Variants in NBAS observed in about 807,000 individuals in gnomAD.
The protein encoded by NBAS is NAG/BC035112 fusion.
A neutral mutation model predicts 302.5 loss-of-function variants in NBAS; 219 were observed. That is an observed-to-expected ratio of 0.72 (90% CI 0.65 to 0.81). The LOEUF (loss-of-function observed/expected upper bound fraction) is 0.81, where lower values mean the gene tolerates loss of function less well. NBAS is among the 30% of genes least tolerant of loss of function. NBAS has a pLI of 0.00. For missense variants in NBAS, 2,932 were observed against 2,841.6 expected (o/e 1.03, Z -0.72); for synonymous variants, 1,118 against 1,021.6 (o/e 1.09, Z -1.80).
At chr2:15,227,509 TC>T (rs1310459412) in intron 47 of NBAS, among the ~76,000 whole-genome samples, 1 of 151,940 alleles carries the variant, frequency 6.6e-6, no homozygotes, top group Non-Finnish European at 1.5e-5. Flanking sequence ...ATCTTAAAAT[TC>T]ATATGGAAAG....
intron 51 of NBAS, among the ~76,000 whole-genome samples, chr2:15,171,426 G>A (rs1664285480): frequency 1.4e-4 from 22 of 152,110 alleles, no homozygotes; most frequent in Admixed American, 1.4e-3. Context: ...TATATGCTAA[G>A]AATTTTTAAA....
At chr2:15,155,716 C>T in the NBAS span, among the ~76,000 whole-genome samples, 1 of 152,234 alleles carries the variant, frequency 6.6e-6, no homozygotes, top group Non-Finnish European at 1.5e-5. Flanking sequence ...GGGCTCTGCA[C>T]TTCTAGTCAT....
chr2:14,811,233 C>T, the NBAS span, among the ~76,000 whole-genome samples: 46 of 152,202 alleles, frequency 3.0e-4, no homozygotes, highest in African/African-American at 1.1e-3. Flanking sequence ...CATAATGAGA[C>T]TCTGTATCTA....
intron 44 of NBAS, among the ~76,000 whole-genome samples, chr2:15,250,474 A>G (rs890779865): frequency 6.6e-6 from 1 of 152,236 alleles, no homozygotes; most frequent in Non-Finnish European, 1.5e-5. Flanking sequence ...GAATCTAACT[A>G]AACTAAAGAG....
intron 47 of NBAS, among the ~76,000 whole-genome samples, chr2:15,222,048 T>A (rs945591934): frequency 1.3e-5 from 2 of 152,208 alleles, no homozygotes; most frequent in Non-Finnish European, 2.9e-5. Flanking sequence ...ACTTTCCTCA[T>A]GGGGTTGTTG....
At chr2:15,449,095 A>G (rs1398231945) in intron 21 of NBAS, among the ~76,000 whole-genome samples, 1 of 152,206 alleles carries the variant, frequency 6.6e-6, no homozygotes, top group African/African-American at 2.4e-5. Flanking sequence ...CTTCTTTTTA[A>G]GAGAACACAT....
the NBAS span, among the ~76,000 whole-genome samples, chr2:15,124,624 G>A: frequency 6.6e-6 from 1 of 152,158 alleles, no homozygotes; most frequent in Non-Finnish European, 1.5e-5. Context: ...GGTTTCAGGG[G>A]GCAGGCCCAG....
intron 51 of NBAS, among the ~76,000 whole-genome samples, chr2:15,169,317 C>T (rs144740568): frequency 1.5e-4 from 23 of 152,264 alleles, no homozygotes; most frequent in Admixed American, 1.1e-3. Context: ...AAAAAGCCAC[C>T]GGTTCAATGG....
At chr2:15,324,792 A>C (rs993630557) in intron 38 of NBAS, among the ~76,000 whole-genome samples, 1 of 152,216 alleles carries the variant, frequency 6.6e-6, no homozygotes, top group African/African-American at 2.4e-5. Flanking sequence ...ATCCCTAGTC[A>C]TCTTCAAGTA....
At chr2:15,377,928 G>A (rs1299439802) in intron 30 of NBAS, among the ~76,000 whole-genome samples, 1 of 152,172 alleles carries the variant, frequency 6.6e-6, no homozygotes, top group African/African-American at 2.4e-5. Flanking sequence ...ATACTGAGTG[G>A]ATAATTCCTA....
chr2:14,835,306 T>G, the NBAS span, among the ~76,000 whole-genome samples: 27 of 152,144 alleles, frequency 1.8e-4, no homozygotes, highest in African/African-American at 6.3e-4. Flanking sequence ...ATTGGTATTT[T>G]GAATATATTT....
chr2:15,295,156 G>A (rs1483273128), intron 40 of NBAS, among the ~76,000 whole-genome samples: 2 of 152,182 alleles, frequency 1.3e-5, no homozygotes, highest in East Asian at 3.9e-4. Context: ...TAGAACCCCT[G>A]CTGATTTCTA....
At chr2:15,350,138 C>T (rs1673281302) in intron 35 of NBAS, among the ~76,000 whole-genome samples, 1 of 152,022 alleles carries the variant, frequency 6.6e-6, no homozygotes, top group East Asian at 1.9e-4. Flanking sequence ...GGGGTAGTTG[C>T]ATATATTCTA....
At position 15,315,347 on chromosome 2, in the gene NBAS, G is replaced by A. The variant is rs138155312; in HGVS notation, c.4583-6100C>T. 5.3e-5 allele frequency among the ~76,000 whole-genome samples: 8 copies of A among 152,278 alleles called. No individual in the cohort carries two copies. The East Asian group carries it at 1.3e-3, about 26-fold the overall frequency. On this transcript the variant is annotated intron_variant, in intron 38 of 51. Transcript: ENST00000281513. Reference sequence around the variant, plus strand: ...AACTGGAGGGTACACAGGAGTGTACGGGAGTGAACGGAGAATGAGCAGGAT... The same window carrying A: ...AACTGGAGGGTACACAGGAGTGTACAGGAGTGAACGGAGAATGAGCAGGAT...
At chr2:15,486,363 A>C (rs529791686) in intron 12 of NBAS, among the ~76,000 whole-genome samples, 1 of 152,332 alleles carries the variant, frequency 6.6e-6, no homozygotes, top group African/African-American at 2.4e-5. Context: ...AATAAGAGAA[A>C]CAACTAGCTT....
chr2:14,919,752 AC>A, the NBAS span, among the ~76,000 whole-genome samples: 1 of 151,990 alleles, frequency 6.6e-6, no homozygotes, highest in Non-Finnish European at 1.5e-5. Flanking sequence ...ATTTGCAGCA[AC>A]CCCTCACGTA....
the NBAS span, among the ~76,000 whole-genome samples, chr2:14,919,248 T>C: frequency 6.6e-6 from 1 of 152,196 alleles, no homozygotes; most frequent in Non-Finnish European, 1.5e-5. Context: ...CCAGTACATA[T>C]AAAAGATATG....
At chr2:14,801,780 ATTAAG>A in the NBAS span, among the ~76,000 whole-genome samples, 1 of 152,120 alleles carries the variant, frequency 6.6e-6, no homozygotes, top group African/African-American at 2.4e-5. Flanking sequence ...GAGGGATGTG[ATTAAG>A]TTATTTAAAA....
intron 2 of NBAS, among the ~76,000 whole-genome samples, chr2:15,557,295 A>G (rs1261733396): frequency 6.6e-6 from 1 of 152,198 alleles, no homozygotes; most frequent in Non-Finnish European, 1.5e-5. Context: ...AATGCTTTCT[A>G]TCATCCTAAA....
Sources: allele counts gnomAD v4.1 joint callset (sites outside exome capture counted in the v4.1 genomes callset), GRCh38; gene constraint gnomAD v4.1.1; transcripts MANE v1.5; gene names NCBI Gene and HGNC (gene_info 2026-07-23, HGNC 2026-07-21).